Variants in CSPP1 observed in about 807,000 individuals in gnomAD.
CSPP1 encodes the protein centrosome and spindle pole-associated protein 1.
CSPP1 carries 126 observed loss-of-function variants against 164.4 expected under a neutral mutation model. That is an observed-to-expected ratio of 0.77 (90% confidence interval 0.66 to 0.89). The LOEUF is 0.89. Among genes scored for constraint, CSPP1 ranks in the 40% least tolerant of loss-of-function variants. CSPP1 has a pLI of 0.00. For missense variants in CSPP1, 1,395 were observed against 1,449.8 expected (o/e 0.96, Z 0.61); for synonymous variants, 472 against 476.7 (o/e 0.99, Z 0.13).
At chr8:67,176,055 C>T (rs954009426) in intron 26 of CSPP1, among the ~76,000 whole-genome samples, 8 of 149,370 alleles carry the variant, frequency 5.4e-5, no homozygotes, top group African/African-American at 9.9e-5. Flanking sequence ...TGATGAATAT[C>T]GCACAGAAGA....
rs567430578 is a variant in CSPP1, at chr8:67,191,408, G to A, written c.3330+649G>A. On this transcript the variant is annotated intron_variant, in intron 29 of 30. Transcript: ENST00000678616. Reference sequence around the variant, plus strand: ...CCAAGTAACAGATGTTGCTATTAGCGTTATTATATGTACAGCATTACCAGG... The same window carrying A: ...CCAAGTAACAGATGTTGCTATTAGCATTATTATATGTACAGCATTACCAGG... 1.2e-3 allele frequency among the ~76,000 whole-genome samples: 184 copies of A among 152,324 alleles called. 3 individuals carry two copies. The South Asian group carries it at 0.017, about 14-fold the overall frequency.
In CSPP1 at chr8:67,095,304, G is replaced by A. The variant is rs1376448335; in HGVS notation, c.495G>A (p.Gln165=). Residue 165 remains glutamine (Q), a synonymous_variant, in exon 7 of 31, where the codon CAG becomes CAA. Coordinates refer to ENST00000678616, the MANE Select transcript of CSPP1 (RefSeq NM_001382391.1). ...TTTTAATTGAACAGCCCAAGAGTCA[G>A]AGAAATAAAAAACCTATTGGTCAAG... ...QVEKSTEPKS[Q]RNKKPIGQVK... The A allele has an allele frequency of 6.4e-7, 1 of 1,563,864 alleles. No individual in the cohort carries two copies. The highest frequency in any genetic ancestry group is 2.2e-5 in the East Asian group (1 of 44,584).
chr8:67,173,964 G>A (rs1831012186), intron 25 of CSPP1: 1 of 152,168 alleles, frequency 6.6e-6, no homozygotes, highest in African/African-American at 2.4e-5. Context: ...AGCAAAATGT[G>A]TCCTTGTGTA....
intron 29 of CSPP1, among the ~76,000 whole-genome samples, chr8:67,192,730 G>A (rs1216462882): frequency 2.6e-5 from 4 of 152,136 alleles, no homozygotes; most frequent in Admixed American, 2.6e-4. Context: ...TTTGCATGTG[G>A]CCATCCAGTT....
chr8:67,101,905 C>A (rs896186941), intron 7 of CSPP1, among the ~76,000 whole-genome samples: 9 of 152,014 alleles, frequency 5.9e-5, no homozygotes, highest in African/African-American at 1.9e-4. Flanking sequence ...AACTCAACAG[C>A]CATGTAAAGA....
chr8:67,144,421 T>C (rs1824082738), intron 17 of CSPP1, among the ~76,000 whole-genome samples: 2 of 152,164 alleles, frequency 1.3e-5, no homozygotes, highest in Admixed American at 1.3e-4. Flanking sequence ...TCTGGCCTGA[T>C]AACATGAATT....
At chr8:67,174,050 CT>C (rs2129567999) in intron 25 of CSPP1, 1 of 152,182 alleles carries the variant, frequency 6.6e-6, no homozygotes, top group South Asian at 2.1e-4. Flanking sequence ...AAGTAAAGCT[CT>C]TTGGGGTCCT....
chr8:67,187,592 G>A (rs980336108), intron 28 of CSPP1, among the ~76,000 whole-genome samples: 2 of 152,088 alleles, frequency 1.3e-5, no homozygotes, highest in Non-Finnish European at 2.9e-5. Flanking sequence ...GCTGAGGTGG[G>A]AGGATTACTT....
At chr8:67,093,700 A>G (rs1812099707) in intron 6 of CSPP1, 59 bp downstream of exon 6, 2 of 963,750 alleles carry the variant, frequency 2.1e-6, no homozygotes, top group Non-Finnish European at 3.1e-6. Flanking sequence ...AATATTTTGT[A>G]CTTGAAAAGC....
rs530330398 is a variant in CSPP1, at chr8:67,095,435, A to T, written c.626A>T (p.Gln209Leu). ...PSEAYEELLN[Q>L]RRLEEDRYRQ... is the part of the protein sequence containing the mutation. ...GAGGCATATGAAGAACTTCTGAACC[A>T]AAGACGACTAGAGGAGGACAGATAC... is the stretch of plus-strand genomic sequence containing the variant. The change falls in exon 7 of 31, where the codon CAA becomes CTA. Residue 209 changes from glutamine (Q) to leucine (L), a missense_variant. Gln to Leu is a moderately radical substitution (Grantham distance 113). Transcript: ENST00000678616. 1.2e-6 allele frequency: 2 copies of T among 1,613,604 alleles called. No individual in the cohort carries two copies. Among genetic ancestry groups the T allele is most frequent in the Admixed American group, 3.3e-5 (2 of 59,902 alleles).
intron 15 of CSPP1, among the ~76,000 whole-genome samples, chr8:67,130,736 C>T (rs1821060173): frequency 6.6e-6 from 1 of 151,920 alleles, no homozygotes; most frequent in African/African-American, 2.4e-5. Context: ...GCTTATAATC[C>T]CAGCACTTTG....
At chr8:67,140,355 G>A (rs552500133) in intron 17 of CSPP1, among the ~76,000 whole-genome samples, 7 of 152,288 alleles carry the variant, frequency 4.6e-5, no homozygotes, top group Non-Finnish European at 8.8e-5. Flanking sequence ...AAAGTGCTGG[G>A]ATTACAGGTG....
At chr8:67,176,152 C>T (rs547787791) in intron 26 of CSPP1, among the ~76,000 whole-genome samples, 3 of 152,114 alleles carry the variant, frequency 2.0e-5, no homozygotes, top group African/African-American at 4.8e-5. Context: ...TGGGCCCTGA[C>T]GATAGCCAGG....
At chr8:67,110,192 T>C (rs1816561789) in intron 9 of CSPP1, among the ~76,000 whole-genome samples, 1 of 151,868 alleles carries the variant, frequency 6.6e-6, no homozygotes. Context: ...CCCAGGTTGT[T>C]TTATTTTTGC....
chr8:67,149,985 T>C (rs1335229112), intron 18 of CSPP1, 50 bp downstream of exon 18: 6 of 1,459,378 alleles, frequency 4.1e-6, no homozygotes, highest in Non-Finnish European at 3.6e-6. Flanking sequence ...TTTCTGAAAT[T>C]GTTCAGTAAC....
At chr8:67,184,994 G>A (rs139030646) in intron 28 of CSPP1, among the ~76,000 whole-genome samples, 18,513 of 145,348 alleles carry the variant, frequency 0.13, 2,429 homozygotes, top group African/African-American at 0.33. Flanking sequence ...AGTCCCAGCT[G>A]CTCGGGAGGC....
intron 8 of CSPP1, 57 bp downstream of exon 8, chr8:67,103,192 G>A (rs146989456): frequency 3.9e-6 from 4 of 1,019,518 alleles, no homozygotes; most frequent in Non-Finnish European, 6.0e-6. Flanking sequence ...AACAGAATGT[G>A]CCTAAAACTG....
intron 29 of CSPP1, among the ~76,000 whole-genome samples, chr8:67,193,037 A>AT (rs1431985531): frequency 3.9e-5 from 6 of 152,256 alleles, no homozygotes; most frequent in African/African-American, 1.4e-4. Context: ...CATAGGAGCC[A>AT]TAATATACGT....
At chr8:67,079,867 C>CTGCTTGGAAA (rs1189943050) in intron 3 of CSPP1, among the ~76,000 whole-genome samples, 2 of 152,192 alleles carry the variant, frequency 1.3e-5, no homozygotes, top group Non-Finnish European at 2.9e-5. Flanking sequence ...GCAGCACTTA[C>CTGCTTGGAAA]TGCTTGGAAA....
Sources: gnomAD v4.1 joint callset for allele counts (sites outside exome capture counted in the v4.1 genomes callset) on GRCh38, gnomAD v4.1.1 for gene constraint, MANE v1.5 for transcripts, NCBI Gene and HGNC (gene_info 2026-07-23, HGNC 2026-07-21) for gene names.